NBEAL1: variants seen among roughly 807,000 people sequenced by gnomAD.
NBEAL1 encodes neurobeachin like 1, also known as neurobeachin-like protein 1.
In NBEAL1, 273 loss-of-function variants were observed where a neutral mutation model predicts 351.3. The observed-to-expected ratio is 0.78, with a 90% CI of 0.70 to 0.86. The LOEUF (loss-of-function observed/expected upper bound fraction) is 0.86. NBEAL1 is among the 40% of genes least tolerant of loss of function. NBEAL1 has a pLI of 0.00. For synonymous variants in NBEAL1, 1,050 were observed against 1,086.4 expected, an observed-to-expected ratio of 0.97 and a Z score of 0.66; for missense variants, 2,961 against 3,201.3, an observed-to-expected ratio of 0.92 and a Z score of 1.81.
chr2:203,081,350 TCTAA>T (rs1433324289), intron 8 of NBEAL1, among the ~76,000 whole-genome samples: 3 of 152,358 alleles, frequency 2.0e-5, no homozygotes, highest in Admixed American at 6.5e-5. Flanking sequence ...AGTGTTCATC[TCTAA>T]CTAGTTATGT....
chr2:203,048,896 T>TA (rs2061276305), intron 3 of NBEAL1, among the ~76,000 whole-genome samples: 1 of 150,848 alleles, frequency 6.6e-6, no homozygotes. Context: ...TTTTTTTTTT[T>TA]TAATACCCTT....
intron 38 of NBEAL1, among the ~76,000 whole-genome samples, chr2:203,169,373 A>G (rs1575076385): frequency 6.9e-6 from 1 of 145,298 alleles, no homozygotes. Flanking sequence ...TAGTCACACA[A>G]CTGTTTGAAT....
chr2:203,133,366 T>C (rs1472637907), intron 27 of NBEAL1, among the ~76,000 whole-genome samples: 2 of 152,112 alleles, frequency 1.3e-5, no homozygotes, highest in African/African-American at 2.4e-5. Flanking sequence ...CCTGCAAATA[T>C]GTTCTTTCCA....
chr2:203,156,090 C>T lies in NBEAL1; in HGVS notation c.5588-1609C>T, dbSNP rs551913193. On this transcript the variant is annotated intron_variant, in intron 35 of 55. Transcript: ENST00000683969. ...TTTTCTCATATGTGTATTCCTTACC[C>T]TAGTTTCTACTTCTCTTGTATCTGG... 5.8e-4 allele frequency among the ~76,000 whole-genome samples: 89 copies of T among 152,262 alleles called. 2 individuals are homozygous for T. In the South Asian group the frequency reaches 0.014, roughly 24 times the overall value.
rs1168904306 is a variant in NBEAL1 at position 203,056,435 on chromosome 2, C to CA, written c.317dup (p.Asn106LysfsTer12). The CA allele has an allele frequency of 6.5e-7, 1 of 1,536,856 alleles. No homozygotes were observed. Among genetic ancestry groups the CA allele is most frequent in the Non-Finnish European group, 8.8e-7 (1 of 1,132,718 alleles). ...GTCTCTTTTTCTCACAGAAATCTATCAAATGTGGAAGAAATTGGGACTTGC... is the reference window on the plus strand; with the variant it reads ...GTCTCTTTTTCTCACAGAAATCTATCAAAATGTGGAAGAAATTGGGACTTGC... On this transcript the variant is annotated frameshift_variant, in exon 5 of 56. Coordinates refer to ENST00000683969, the MANE Select transcript of NBEAL1 (RefSeq NM_001378026.1). LOFTEE classifies it high-confidence loss of function.
chr2:203,141,588 G>A (rs2063383800), intron 31 of NBEAL1, among the ~76,000 whole-genome samples: 1 of 150,454 alleles, frequency 6.6e-6, no homozygotes, highest in Admixed American at 6.7e-5. Flanking sequence ...TCACCATGTT[G>A]GCAAGGCTGG....
At chr2:203,119,414 C>T (rs1245383320) in intron 18 of NBEAL1, among the ~76,000 whole-genome samples, 2 of 89,536 alleles carry the variant, frequency 2.2e-5, no homozygotes, top group East Asian at 4.1e-4. Context: ...CCACTGCATA[C>T]GGCCTGTTGC....
chr2:203,160,515 A>G (rs985567758), intron 36 of NBEAL1, among the ~76,000 whole-genome samples: 1 of 152,106 alleles, frequency 6.6e-6, no homozygotes, highest in African/African-American at 2.4e-5. Flanking sequence ...TATGATAGCT[A>G]CTTTGAAGCC....
chr2:203,028,233 A>G (rs4675311), intron 2 of NBEAL1, among the ~76,000 whole-genome samples: 135,261 of 151,094 alleles, frequency 0.9, 61,088 homozygotes, highest in Non-Finnish European at 0.95. Context: ...GCCCAGGCTG[A>G]TCTTGAACTC....
intron 35 of NBEAL1, 35 bp from the exon 36 acceptor site, chr2:203,157,664 C>T (rs1321127008): frequency 1.3e-6 from 2 of 1,499,884 alleles, no homozygotes; most frequent in Admixed American, 2.3e-5. Context: ...TTGTTTTTTA[C>T]TTTATGTTTA....
rs959267317 is a variant in NBEAL1, at chr2:203,125,484, G to A, written c.2815G>A (p.Gly939Arg). ...TCCTGAATCAGTAACACCTGTTGAA[G>A]GAGATTGGCTCGTATGGACTTCCAC... is the stretch of plus-strand genomic sequence containing the variant. ...TVPESVTPVE[G>R]DWLVWTSTKA... The change falls in exon 20 of 56, where the codon GGA becomes AGA. Residue 939 changes from glycine (G) to arginine (R), a missense_variant. Gly to Arg is a moderately radical substitution (Grantham distance 125). Coordinates refer to ENST00000683969, the MANE Select transcript of NBEAL1 (RefSeq NM_001378026.1). The A allele has an allele frequency of 6.5e-7, 1 of 1,537,716 alleles. No homozygotes were observed. The highest frequency in any genetic ancestry group is 1.4e-5 in the African/African-American group (1 of 72,456).
At chr2:203,087,366 T>A (rs929860190) in intron 10 of NBEAL1, among the ~76,000 whole-genome samples, 1 of 151,720 alleles carries the variant, frequency 6.6e-6, no homozygotes, top group Non-Finnish European at 1.5e-5. Context: ...GCTGGGATTA[T>A]AGGCGTGAGC....
At chr2:203,144,970 A>G (rs750053051) in intron 32 of NBEAL1, 41 bp from the exon 33 acceptor site, 1 of 1,501,444 alleles carries the variant, frequency 6.7e-7, no homozygotes, top group Non-Finnish European at 8.9e-7. Flanking sequence ...AGGTGAAGTC[A>G]TATATTAAAT....
chr2:203,213,111 C>T (rs1261750441), intron 54 of NBEAL1, among the ~76,000 whole-genome samples: 1 of 151,856 alleles, frequency 6.6e-6, no homozygotes, highest in Non-Finnish European at 1.5e-5. Flanking sequence ...CTAAAGGGAA[C>T]GTAAAGACTA....
At chr2:203,204,007 C>T (rs531779306) in intron 51 of NBEAL1, among the ~76,000 whole-genome samples, 2 of 151,352 alleles carry the variant, frequency 1.3e-5, no homozygotes, top group South Asian at 4.2e-4. Context: ...TGGCTCACTG[C>T]AACCTCCACC....
chr2:203,197,583 A>G (rs1346690015), intron 48 of NBEAL1, among the ~76,000 whole-genome samples, 192 bp downstream of exon 48: 1 of 152,174 alleles, frequency 6.6e-6, no homozygotes, highest in African/African-American at 2.4e-5. Flanking sequence ...AGCCTGGGCA[A>G]CATTTGCTCA....
In NBEAL1 at chr2:203,161,326, C is replaced by CAA. The variant is rs1174377516; in HGVS notation, c.5714+3520_5714+3521dup. Among the ~76,000 whole-genome samples the CAA allele has an allele frequency of 1.7e-4, 11 of 64,786 alleles. No homozygotes were observed. The South Asian group carries it at 3.1e-3, about 18-fold the overall frequency. The allele number at this position is 64,786 out of a possible 152,430, so 42.5% of individuals were successfully genotyped here. On this transcript the variant is annotated intron_variant, in intron 36 of 55. Coordinates refer to ENST00000683969, the MANE Select transcript of NBEAL1 (RefSeq NM_001378026.1). The stretch of plus-strand genomic sequence containing the variant: ...TGGGCAATGGAGCTAGACTCCATCT[C>CAA]AAAAAAAAAAAAAAAAAAAATAGGC...
At chr2:203,153,477 G>C (rs1332602747) in intron 35 of NBEAL1, among the ~76,000 whole-genome samples, 1 of 151,862 alleles carries the variant, frequency 6.6e-6, no homozygotes, top group African/African-American at 2.4e-5. Flanking sequence ...CTAACATATG[G>C]CCAAAACATT....
chr2:203,100,398 T>C (rs1226112662), intron 12 of NBEAL1, among the ~76,000 whole-genome samples: 4 of 152,246 alleles, frequency 2.6e-5, no homozygotes, highest in Non-Finnish European at 5.9e-5. Flanking sequence ...CTTCACAACC[T>C]TGCCAACATC....
Sources: allele counts gnomAD v4.1 joint callset (sites outside exome capture counted in the v4.1 genomes callset), GRCh38; gene constraint gnomAD v4.1.1; transcripts MANE v1.5; gene names NCBI Gene and HGNC (gene_info 2026-07-23, HGNC 2026-07-21).